The following TENM2 variants were observed in gnomAD, a reference collection of about 807,000 sequenced individuals.
TENM2 encodes teneurin transmembrane protein 2.
Under a neutral mutation model 245.2 loss-of-function variants are expected in TENM2, and 52 were observed. The observed-to-expected ratio is 0.21, with a 90% confidence interval of 0.17 to 0.27. The LOEUF is 0.27. TENM2 is among the 10% of genes least tolerant of loss of function. The probability of loss-of-function intolerance (pLI) is 1.00; values close to 1 mark genes in which losing one functional copy is unlikely to be tolerated. For missense variants in TENM2, 3,046 were observed against 3,666.8 expected (o/e 0.83, Z 4.37); for synonymous variants, 1,363 against 1,438.9 (o/e 0.95, Z 1.19).
the TENM2 span, among the ~76,000 whole-genome samples, chr5:167,120,680 A>G: frequency 2.6e-5 from 4 of 152,194 alleles, no homozygotes; most frequent in East Asian, 3.9e-4. Context: ...GGAACTTTCA[A>G]TGTGTTATCT....
the TENM2 span, among the ~76,000 whole-genome samples, chr5:167,242,773 G>A: frequency 5.9e-5 from 9 of 152,294 alleles, no homozygotes; most frequent in East Asian, 1.7e-3. Flanking sequence ...CCAGTGAACA[G>A]TAGGCTATTT....
At chr5:167,001,620 A>C in the TENM2 span, among the ~76,000 whole-genome samples, 1 of 152,090 alleles carries the variant, frequency 6.6e-6, no homozygotes, top group Non-Finnish European at 1.5e-5. Context: ...TGACCATTAG[A>C]TTTAATCAAG....
intron 6 of TENM2, among the ~76,000 whole-genome samples, chr5:168,053,202 T>G (rs1203942841): frequency 6.6e-6 from 1 of 152,156 alleles, no homozygotes. Context: ...CTCCCCTCAT[T>G]TAGGAGGCCA....
intron 2 of TENM2, among the ~76,000 whole-genome samples, chr5:167,457,754 A>G (rs964172694): frequency 6.6e-6 from 1 of 152,240 alleles, no homozygotes; most frequent in South Asian, 2.1e-4. Context: ...AATCTATTTT[A>G]TACCATACAC....
intron 10 of TENM2, among the ~76,000 whole-genome samples, chr5:168,119,922 G>A (rs537336054): frequency 6.6e-6 from 1 of 152,168 alleles, no homozygotes; most frequent in East Asian, 1.9e-4. Context: ...GCTAACAAGG[G>A]ATCTCAGGTT....
chr5:167,771,202 GA>G (rs1199014184), intron 2 of TENM2, among the ~76,000 whole-genome samples: 1 of 152,058 alleles, frequency 6.6e-6, no homozygotes, highest in Non-Finnish European at 1.5e-5. Context: ...CAGCACTAAA[GA>G]AAATGCCCTC....
chr5:167,726,711 G>A (rs1210592367), intron 2 of TENM2, among the ~76,000 whole-genome samples: 1 of 152,044 alleles, frequency 6.6e-6, no homozygotes, highest in African/African-American at 2.4e-5. Flanking sequence ...CTCTTGCTTT[G>A]GCCTCCCAAA....
At chr5:167,183,901 A>C in the TENM2 span, among the ~76,000 whole-genome samples, 1 of 152,304 alleles carries the variant, frequency 6.6e-6, no homozygotes, top group East Asian at 1.9e-4. Context: ...TTAAGTACAC[A>C]CCTAATTTTA....
At chr5:168,172,024 G>C (rs188740670) in intron 13 of TENM2, among the ~76,000 whole-genome samples, 150 of 152,304 alleles carry the variant, frequency 9.8e-4, no homozygotes, top group Non-Finnish European at 1.9e-3. Flanking sequence ...CTTCCCCCAA[G>C]TCCAGACCAG....
intron 2 of TENM2, among the ~76,000 whole-genome samples, chr5:167,848,576 G>A (rs1045692569): frequency 1.3e-5 from 2 of 152,140 alleles, no homozygotes; most frequent in Non-Finnish European, 2.9e-5. Flanking sequence ...TAGAACCAAG[G>A]AATAGACTTG....
chr5:167,712,411 A>G (rs984752022), intron 2 of TENM2, among the ~76,000 whole-genome samples: 1 of 152,224 alleles, frequency 6.6e-6, no homozygotes, highest in East Asian at 1.9e-4. Flanking sequence ...AACAAACTGG[A>G]TCTTATAATT....
chr5:167,052,606 G>A, the TENM2 span, among the ~76,000 whole-genome samples: 1 of 152,124 alleles, frequency 6.6e-6, no homozygotes, highest in African/African-American at 2.4e-5. Context: ...CTGTGAGAGA[G>A]CATAAAGTCT....
Position 167,374,902 on chromosome 5 carries a change from G to T in TENM2, c.227-296G>T, listed in dbSNP as rs150089317. On this transcript the variant is annotated intron_variant, in intron 1 of 28. Coordinates refer to ENST00000518659, the Ensembl canonical transcript of TENM2. The stretch of plus-strand genomic sequence containing the variant: ...TATATTAGCTATTTTGATACGTTCC[G>T]GGTTTTTTCAGCTACATGGAGCTAC... Among the ~76,000 whole-genome samples the T allele has an allele frequency of 1.4e-4, 22 of 152,206 alleles. No individual in the cohort carries two copies. The East Asian group carries it at 4.1e-3, about 28-fold the overall frequency.
intron 5 of TENM2, among the ~76,000 whole-genome samples, chr5:168,034,028 A>AAT (rs61701570): frequency 1.4e-3 from 187 of 130,368 alleles, no homozygotes; most frequent in African/African-American, 4.6e-3. Flanking sequence ...CTCCGTCTCA[A>AAT]ATATATATAT....
chr5:167,930,709 T>C (rs982179290), intron 3 of TENM2, among the ~76,000 whole-genome samples: 1 of 152,138 alleles, frequency 6.6e-6, no homozygotes, highest in African/African-American at 2.4e-5. Flanking sequence ...TAGAATTTTT[T>C]TTAATTCTTA....
At chr5:168,096,068 G>A (rs1331581862) in intron 8 of TENM2, among the ~76,000 whole-genome samples, 1 of 152,176 alleles carries the variant, frequency 6.6e-6, no homozygotes, top group Non-Finnish European at 1.5e-5. Flanking sequence ...TCCAGAGGGA[G>A]ATATTGTCTT....
chr5:167,531,533 A>G (rs1771500588), intron 2 of TENM2, among the ~76,000 whole-genome samples: 1 of 151,768 alleles, frequency 6.6e-6, no homozygotes, highest in Admixed American at 6.6e-5. Context: ...TTTCAAATAT[A>G]CTATGCTTTT....
chr5:167,209,423 T>A, the TENM2 span, among the ~76,000 whole-genome samples: 1 of 151,632 alleles, frequency 6.6e-6, no homozygotes, highest in Admixed American at 6.6e-5. Context: ...GCCACCATGC[T>A]CAGCTAATTT....
rs17068769 is a variant in TENM2, at chr5:167,579,909, A to G, written c.502+204436A>G. On this transcript the variant is annotated intron_variant, in intron 2 of 28. Coordinates refer to ENST00000518659, the Ensembl canonical transcript of TENM2. ...CTACATGATATCCTGCAGGTTTAAT[A>G]TACTTCTGCAGCCTTGTACTTGGGA... Among the ~76,000 whole-genome samples the G allele has an allele frequency of 3.2e-3, 489 of 152,308 alleles. 2 individuals carry two copies. The highest frequency in any genetic ancestry group is 7.1e-3 in the Admixed American group (108 of 15,296).
Sources: allele counts gnomAD v4.1 joint callset (sites outside exome capture counted in the v4.1 genomes callset), GRCh38; gene constraint gnomAD v4.1.1; transcripts MANE v1.5; gene names NCBI Gene and HGNC (gene_info 2026-07-23, HGNC 2026-07-21).